ALDH9A1: variants seen among roughly 807,000 people sequenced by gnomAD.
The protein encoded by ALDH9A1 is 4-trimethylaminobutyraldehyde dehydrogenase.
A neutral mutation model predicts 56.6 loss-of-function variants in ALDH9A1; 42 were observed. That is an observed-to-expected ratio of 0.74 (90% CI 0.58 to 0.96). The LOEUF is 0.96. ALDH9A1 is among the 40% of genes least tolerant of loss of function. The probability of loss-of-function intolerance (pLI) is 0.00; values close to 1 mark genes in which losing one functional copy is unlikely to be tolerated. For synonymous variants in ALDH9A1, 242 were observed against 236.0 expected (o/e 1.03, Z -0.23); for missense variants, 661 against 651.5 (o/e 1.01, Z -0.16).
chr1:165,687,892 G>C (rs537094708), intron 2 of ALDH9A1, among the ~76,000 whole-genome samples: 152 of 152,158 alleles, frequency 1.0e-3, no homozygotes, highest in African/African-American at 3.5e-3. Context: ...GGAGGCTGAG[G>C]CAGGAGAATC....
At chr1:165,695,029 T>C (rs1650025079) in intron 2 of ALDH9A1, among the ~76,000 whole-genome samples, 1 of 151,870 alleles carries the variant, frequency 6.6e-6, no homozygotes, top group South Asian at 2.1e-4. Context: ...AAACAAAGCT[T>C]TACAAACATG....
intron 2 of ALDH9A1, among the ~76,000 whole-genome samples, chr1:165,693,454 A>G (rs1223236829): frequency 1.3e-5 from 2 of 152,252 alleles, no homozygotes; most frequent in Non-Finnish European, 2.9e-5. Context: ...GCCAAAAGAC[A>G]CATGAAAAAA....
At chr1:165,673,722 T>C (rs1356998544) in intron 6 of ALDH9A1, among the ~76,000 whole-genome samples, 4 of 152,310 alleles carry the variant, frequency 2.6e-5, no homozygotes, top group Middle Eastern at 3.4e-3. Context: ...AGGAATATCA[T>C]TGCCCCTATT....
rs577967567 is a variant in ALDH9A1 at position 165,694,964 on chromosome 1, A to T, written c.327+288T>A. ...GAGCAAGATTCCGTCTCAAAAAAAA[A>T]AAAAAATAAAAATAAAAAAAGGACG... is the stretch of plus-strand genomic sequence containing the variant. On this transcript the variant is annotated intron_variant, in intron 2 of 10. Coordinates refer to ENST00000354775, the MANE Select transcript of ALDH9A1 (RefSeq NM_000696.4). Among the ~76,000 whole-genome samples the T allele has an allele frequency of 4.7e-3, 707 of 151,586 alleles. 5 individuals are homozygous for T. The highest frequency in any genetic ancestry group is 0.036 in the South Asian group (175 of 4,816).
chr1:165,663,408 T>G (rs2101731712), intron 10 of ALDH9A1, among the ~76,000 whole-genome samples: 1 of 152,358 alleles, frequency 6.6e-6, no homozygotes, highest in Non-Finnish European at 1.5e-5. Context: ...GTATCTACTA[T>G]TCTGGGTTGA....
chr1:165,686,719 C>T (rs958214841), intron 2 of ALDH9A1, among the ~76,000 whole-genome samples: 5 of 152,024 alleles, frequency 3.3e-5, no homozygotes, highest in Non-Finnish European at 5.9e-5. Flanking sequence ...TGTCCCAGAA[C>T]AAAGCTTAAG....
chr1:165,685,894 T>C (rs1215263355), intron 2 of ALDH9A1, among the ~76,000 whole-genome samples: 1 of 152,184 alleles, frequency 6.6e-6, no homozygotes, highest in Admixed American at 6.5e-5. Context: ...TTAGATAGTT[T>C]TGTCATTGTT....
Position 165,678,288 on chromosome 1 carries a change from C to T in ALDH9A1, c.930+1154G>A, listed in dbSNP as rs147947179. Among the ~76,000 whole-genome samples, 462 of 152,214 alleles carry T rather than the reference C, an allele frequency of 3.0e-3. 4 individuals carry two copies. Among genetic ancestry groups the T allele is most frequent in the Middle Eastern group, 6.8e-3 (2 of 294 alleles). On this transcript the variant is annotated intron_variant, in intron 6 of 10. Transcript: ENST00000354775. The stretch of plus-strand genomic sequence containing the variant: ...GGCAGAGGATGCAGTGAGCCGAGAT[C>T]GTGCCACTGCACTACCGTCTGGGGG...
At chr1:165,686,899 A>C (rs752312344) in intron 2 of ALDH9A1, among the ~76,000 whole-genome samples, 23 of 152,200 alleles carry the variant, frequency 1.5e-4, no homozygotes, top group Non-Finnish European at 3.2e-4. Context: ...ATTCAGAAAT[A>C]ACACAACAGA....
chr1:165,685,291 G>A (rs1374779193), intron 2 of ALDH9A1, among the ~76,000 whole-genome samples: 5 of 152,106 alleles, frequency 3.3e-5, no homozygotes, highest in Non-Finnish European at 5.9e-5. Flanking sequence ...CTTTCACTTC[G>A]AACCCCTCAG....
In ALDH9A1 at chr1:165,679,508, G is replaced by GA. The variant is rs1649476102; in HGVS notation, c.863dup (p.Ser289LeufsTer4). On this transcript the variant is annotated frameshift_variant, in exon 6 of 11. Transcript: ENST00000354775. LOFTEE classifies it high-confidence loss of function. ...CAGCATTGTTCATATCACAGTCTGA[G>GA]AAGATGATGAGTGGAGATTTGCCTC... 3 of 1,614,190 alleles carry GA rather than the reference G, an allele frequency of 1.9e-6. No individual in the cohort carries two copies. Among genetic ancestry groups the GA allele is most frequent in the Non-Finnish European group, 1.7e-6 (2 of 1,180,022 alleles).
In ALDH9A1 at chr1:165,680,938, C is replaced by A. The variant is rs577275451; in HGVS notation, c.593-255G>T. On this transcript the variant is annotated intron_variant, in intron 4 of 10. Transcript: ENST00000354775. ...GGCTAGGGAGGCCTCAGAATCATGG[C>A]GGGAGGTGAAAGTCACTTCTTACAT... Among the ~76,000 whole-genome samples, 10 of 152,230 alleles carry A rather than the reference C, an allele frequency of 6.6e-5. No homozygotes were observed. In the East Asian group the frequency reaches 1.9e-3, roughly 29 times the overall value.
At chr1:165,691,178 G>T (rs1048089820) in intron 2 of ALDH9A1, among the ~76,000 whole-genome samples, 1 of 152,190 alleles carries the variant, frequency 6.6e-6, no homozygotes, top group Non-Finnish European at 1.5e-5. Context: ...GGAAGGATCA[G>T]GCAGCAACAT....
chr1:165,673,281 A>G (rs1649241666), intron 6 of ALDH9A1, among the ~76,000 whole-genome samples: 1 of 152,236 alleles, frequency 6.6e-6, no homozygotes, highest in South Asian at 2.1e-4. Context: ...CATGGTTATT[A>G]TCAAAAAGAT....
chr1:165,665,415 C>G (rs776744144), intron 9 of ALDH9A1, among the ~76,000 whole-genome samples: 5 of 152,112 alleles, frequency 3.3e-5, no homozygotes, highest in Non-Finnish European at 7.4e-5. Context: ...TGGATATCTA[C>G]ATGCAAAAAA....
chr1:165,690,196 T>C (rs1489265744), intron 2 of ALDH9A1, among the ~76,000 whole-genome samples: 1 of 149,448 alleles, frequency 6.7e-6, no homozygotes, highest in East Asian at 2.0e-4. Flanking sequence ...TGTATATGTA[T>C]ATTATATGTG....
In ALDH9A1 at chr1:165,682,241, C is replaced by A. The variant is rs780207254; in HGVS notation, c.458G>T (p.Gly153Val). The change falls in exon 4 of 11, where the codon GGT becomes GTT. Residue 153 changes from glycine to valine, a missense_variant and splice_region_variant. Physicochemically the swap from Gly to Val is moderately radical, Grantham distance 109. Transcript: ENST00000354775. ...YYAGLAASMA[G>V]EHIQLPGGSF... is the part of the protein sequence containing the mutation. ...TCCACCTGGGAGCTGGATGTGTTCA[C>A]CTATGGGGAAAACAGGAGTAAAGGA... 25 of 1,612,924 alleles carry A rather than the reference C, an allele frequency of 1.5e-5. No homozygotes were observed. The highest frequency in any genetic ancestry group is 1.9e-5 in the Non-Finnish European group (23 of 1,179,694).
intron 2 of ALDH9A1, among the ~76,000 whole-genome samples, chr1:165,683,608 A>T (rs1336671040): frequency 3.3e-5 from 5 of 152,244 alleles, no homozygotes; most frequent in Non-Finnish European, 7.3e-5. Context: ...AAATTATACA[A>T]AATATTCTAA....
At chr1:165,680,162 C>T (rs948857383) in intron 5 of ALDH9A1, among the ~76,000 whole-genome samples, 2 of 152,138 alleles carry the variant, frequency 1.3e-5, no homozygotes, top group Admixed American at 6.5e-5. Context: ...GAGTAAAAAT[C>T]CTTTCTTCTA....
Sources: gnomAD v4.1 joint callset for allele counts (sites outside exome capture counted in the v4.1 genomes callset) on GRCh38, gnomAD v4.1.1 for gene constraint, MANE v1.5 for transcripts, NCBI Gene and HGNC (gene_info 2026-07-23, HGNC 2026-07-21) for gene names.